The following FER1L6 variants were observed in gnomAD, a reference collection of about 807,000 sequenced individuals.
FER1L6 encodes the protein fer-1-like protein 6.
A neutral mutation model predicts 219.2 loss-of-function variants in FER1L6; 177 were observed. The observed-to-expected ratio is 0.81, with a 90% CI of 0.71 to 0.91. The LOEUF is 0.91. Among genes scored for constraint, FER1L6 ranks in the 40% least tolerant of loss-of-function variants. The pLI, the probability that FER1L6 is intolerant of heterozygous loss-of-function variation, is 0.00. For missense variants in FER1L6, 2,153 were observed against 2,259.9 expected (o/e 0.95, Z 0.96); for synonymous variants, 768 against 824.3 (o/e 0.93, Z 1.17).
intron 12 of FER1L6, among the ~76,000 whole-genome samples, chr8:124,000,781 T>G (rs572638053): frequency 5.4e-4 from 82 of 152,268 alleles, no homozygotes; most frequent in Non-Finnish European, 3.2e-4. Context: ...AAGCTCTCTT[T>G]CAACAGGGCA....
At chr8:123,981,428 T>C (rs1288000856) in intron 11 of FER1L6, among the ~76,000 whole-genome samples, 2 of 152,222 alleles carry the variant, frequency 1.3e-5, no homozygotes, top group Non-Finnish European at 2.9e-5. Context: ...CAATGGTAAC[T>C]TGCAGTTAAG....
chr8:123,875,289 T>A (rs1040573632), intron 1 of FER1L6, among the ~76,000 whole-genome samples: 1 of 152,236 alleles, frequency 6.6e-6, no homozygotes, highest in African/African-American at 2.4e-5. Context: ...GAATCAACTC[T>A]GCTGAAAGAG....
At chr8:123,980,324 C>T (rs947487028) in intron 10 of FER1L6, 141 bp from the exon 11 acceptor site, 14 of 684,536 alleles carry the variant, frequency 2.0e-5, no homozygotes, top group African/African-American at 2.0e-4. Flanking sequence ...GGCAAGATGG[C>T]AATCGTTGTC....
At position 124,071,483 on chromosome 8, in the gene FER1L6, T is replaced by C. The variant is rs111569697; in HGVS notation, c.3967-23T>C. 1,943 of 1,613,564 alleles carry C rather than the reference T, an allele frequency of 1.2e-3. 30 individuals carry two copies. In the African/African-American group the frequency reaches 0.022, roughly 18 times the overall value. ...GGGACATATGACCATCTCATTTCAATGGGTTGCGTTTTGTGGTTCCAGGGC... is the reference window on the plus strand; with the variant it reads ...GGGACATATGACCATCTCATTTCAACGGGTTGCGTTTTGTGGTTCCAGGGC... On this transcript the variant is annotated intron_variant, in intron 30 of 40. Transcript: ENST00000522917.
At chr8:123,874,215 C>G (rs1202096830) in intron 1 of FER1L6, among the ~76,000 whole-genome samples, 1 of 152,174 alleles carries the variant, frequency 6.6e-6, no homozygotes, top group Non-Finnish European at 1.5e-5. Context: ...ATATATTTCC[C>G]TAATCCATTA....
At chr8:123,925,092 G>A (rs1160419102) in intron 1 of FER1L6, among the ~76,000 whole-genome samples, 3 of 152,104 alleles carry the variant, frequency 2.0e-5, no homozygotes, top group Admixed American at 6.5e-5. Flanking sequence ...TTTTATTCTT[G>A]TATTAAGGTA....
chr8:124,090,294 G>C (rs4412351), intron 33 of FER1L6, among the ~76,000 whole-genome samples: 121,051 of 152,124 alleles, frequency 0.8, 48,597 homozygotes, highest in Non-Finnish European at 0.86. Flanking sequence ...CCTCTTGGGG[G>C]ATTTACATAG....
intron 14 of FER1L6, among the ~76,000 whole-genome samples, chr8:124,012,317 C>T (rs975413017): frequency 2.0e-5 from 3 of 152,246 alleles, no homozygotes; most frequent in Non-Finnish European, 4.4e-5. Flanking sequence ...GGTCACAGCA[C>T]ATGGAGGTCA....
intron 22 of FER1L6, 52 bp downstream of exon 22, chr8:124,049,808 A>C (rs1819922293): frequency 1.6e-5 from 25 of 1,588,008 alleles, no homozygotes; most frequent in Non-Finnish European, 2.1e-5. Flanking sequence ...TGGCCAGAGA[A>C]GTGGCCTCAC....
intron 39 of FER1L6, 68 bp from the exon 40 acceptor site, chr8:124,118,776 C>A: frequency 3.8e-6 from 5 of 1,301,620 alleles, no homozygotes; most frequent in Non-Finnish European, 5.5e-6. Context: ...GGTAACACTT[C>A]TAGAAGGTTG....
intron 39 of FER1L6, among the ~76,000 whole-genome samples, chr8:124,108,273 T>C (rs914176953): frequency 2.0e-5 from 3 of 152,202 alleles, no homozygotes; most frequent in African/African-American, 7.2e-5. Flanking sequence ...GGCTCTATTA[T>C]TTACCAGCTG....
chr8:124,083,038 A>G (rs76332102), intron 33 of FER1L6, among the ~76,000 whole-genome samples: 1 of 146,014 alleles, frequency 6.8e-6, no homozygotes, highest in East Asian at 2.0e-4. Context: ...TATGACATGT[A>G]TACATATATA....
At chr8:123,908,976 G>A (rs903797969) in intron 1 of FER1L6, among the ~76,000 whole-genome samples, 1 of 152,204 alleles carries the variant, frequency 6.6e-6, no homozygotes, top group African/African-American at 2.4e-5. Context: ...AGACAATAGG[G>A]AATAGTGAGG....
At position 123,965,875 on chromosome 8, in the gene FER1L6, C is replaced by T. The variant is rs540962584; in HGVS notation, c.198-132C>T. 123 of 820,804 alleles carry T rather than the reference C, an allele frequency of 1.5e-4. No individual in the cohort carries two copies. In the African/African-American group the frequency reaches 2.0e-3, roughly 13 times the overall value. 50.8% of individuals were successfully genotyped at this position (820,804 alleles called of 1,614,324 possible). A position where few individuals can be genotyped will look rare whatever the true frequency, so the allele number is the denominator to read the frequency against. On this transcript the variant is annotated intron_variant, in intron 3 of 40. Transcript: ENST00000522917. ...AAGTCATTTGTCCGCTTATACTTAT[C>T]TCCCCCAGAGATGTAGACAGAATAT...
chr8:124,037,060 G>A (rs1377138924), intron 19 of FER1L6, among the ~76,000 whole-genome samples: 1 of 152,236 alleles, frequency 6.6e-6, no homozygotes, highest in East Asian at 1.9e-4. Flanking sequence ...CACAAGAGGT[G>A]TACCAATAAA....
chr8:124,113,029 T>C (rs1283345589), intron 39 of FER1L6, among the ~76,000 whole-genome samples: 1 of 152,218 alleles, frequency 6.6e-6, no homozygotes, highest in Non-Finnish European at 1.5e-5. Flanking sequence ...TCCCTTTACA[T>C]AATAGTAATC....
chr8:124,068,577 A>G (rs1382266066), intron 28 of FER1L6, among the ~76,000 whole-genome samples: 1 of 152,202 alleles, frequency 6.6e-6, no homozygotes, highest in Non-Finnish European at 1.5e-5. Flanking sequence ...AGGATATTTG[A>G]GCCTCATATT....
chr8:124,107,223 C>G (rs1220151704), intron 39 of FER1L6, among the ~76,000 whole-genome samples: 1 of 152,156 alleles, frequency 6.6e-6, no homozygotes, highest in Non-Finnish European at 1.5e-5. Flanking sequence ...GCTGGGATTA[C>G]AGGCATGAGC....
intron 11 of FER1L6, chr8:123,984,909 A>G (rs1309442852): frequency 6.6e-6 from 1 of 152,148 alleles, no homozygotes; most frequent in Non-Finnish European, 1.5e-5. Flanking sequence ...AATCAATCCA[A>G]TTGCAAAACC....
Sources: gnomAD v4.1 joint callset for allele counts (sites outside exome capture counted in the v4.1 genomes callset) on GRCh38, gnomAD v4.1.1 for gene constraint, MANE v1.5 for transcripts, NCBI Gene and HGNC (gene_info 2026-07-23, HGNC 2026-07-21) for gene names.